Variants in FUT8 observed in about 807,000 individuals in gnomAD.
FUT8 encodes the protein alpha-(1,6)-fucosyltransferase.
A neutral mutation model predicts 71.3 loss-of-function variants in FUT8; 29 were observed. The ratio of observed to expected loss-of-function variants is 0.41; its 90% confidence interval spans 0.30 to 0.55. The LOEUF (loss-of-function observed/expected upper bound fraction) is 0.55, where lower values mean the gene tolerates loss of function less well. Among genes scored for constraint, FUT8 ranks in the 20% least tolerant of loss-of-function variants. The probability of loss-of-function intolerance (pLI) is 0.34; values close to 1 mark genes in which losing one functional copy is unlikely to be tolerated. For missense variants in FUT8, 544 were observed against 702.1 expected (o/e 0.77, Z 2.55); for synonymous variants, 254 against 239.3 (o/e 1.06, Z -0.57).
intron 7 of FUT8, among the ~76,000 whole-genome samples, chr14:65,692,459 A>ACC (rs1566898986): frequency 0.018 from 1,055 of 58,834 alleles, 24 homozygotes; most frequent in Non-Finnish European, 0.02. Context: ...CGGGGGGCTG[A>ACC]CCCCCCCACC....
intron 7 of FUT8, among the ~76,000 whole-genome samples, chr14:65,698,792 T>G (rs1894130125): frequency 6.6e-6 from 1 of 152,208 alleles, no homozygotes; most frequent in East Asian, 1.9e-4. Context: ...ATTTATTCAA[T>G]TACGCATTTA....
At chr14:65,596,230 C>T (rs569558248) in intron 3 of FUT8, among the ~76,000 whole-genome samples, 1 of 152,224 alleles carries the variant, frequency 6.6e-6, no homozygotes, top group South Asian at 2.1e-4. Flanking sequence ...CATGCACATA[C>T]ATATGCAAAA....
At chr14:65,372,416 C>T in the FUT8 span, among the ~76,000 whole-genome samples, 4 of 146,824 alleles carry the variant, frequency 2.7e-5, no homozygotes, top group Non-Finnish European at 6.0e-5. Flanking sequence ...TCCCTTCCTT[C>T]TTTTTTTTTT....
At chr14:65,671,239 G>A (rs1892463717) in intron 7 of FUT8, among the ~76,000 whole-genome samples, 1 of 152,074 alleles carries the variant, frequency 6.6e-6, no homozygotes, top group African/African-American at 2.4e-5. Context: ...AGATTTATCA[G>A]GTTTAATATA....
At chr14:65,590,790 T>C (rs985651227) in intron 3 of FUT8, among the ~76,000 whole-genome samples, 4 of 152,224 alleles carry the variant, frequency 2.6e-5, no homozygotes, top group Admixed American at 2.6e-4. Flanking sequence ...TTCAAGGTGA[T>C]ACATGTCTAA....
At chr14:65,571,443 C>T (rs1003936995) in intron 3 of FUT8, among the ~76,000 whole-genome samples, 1 of 152,116 alleles carries the variant, frequency 6.6e-6, no homozygotes, top group Non-Finnish European at 1.5e-5. Context: ...TCCCTAAACA[C>T]TGTGGACTTG....
chr14:65,702,604 C>A (rs1489178456), intron 7 of FUT8, among the ~76,000 whole-genome samples: 7 of 152,078 alleles, frequency 4.6e-5, no homozygotes, highest in African/African-American at 1.7e-4. Context: ...GCCCTTCATC[C>A]CTGCCAGAAT....
At chr14:65,583,410 A>G (rs1887192989) in intron 3 of FUT8, among the ~76,000 whole-genome samples, 1 of 152,160 alleles carries the variant, frequency 6.6e-6, no homozygotes. Flanking sequence ...ATTCTTGTCA[A>G]TATTATATAG....
chr14:65,592,255 C>T (rs1887732257), intron 3 of FUT8, among the ~76,000 whole-genome samples: 1 of 152,010 alleles, frequency 6.6e-6, no homozygotes, highest in African/African-American at 2.4e-5. Context: ...TTGAGTGCGA[C>T]TTGAAATAAA....
intron 6 of FUT8, among the ~76,000 whole-genome samples, chr14:65,649,764 TGAGA>T (rs1891276726): frequency 6.6e-6 from 1 of 152,178 alleles, no homozygotes; most frequent in Non-Finnish European, 1.5e-5. Context: ...TTCTCAAGAT[TGAGA>T]GATTGTTGAA....
chr14:65,677,742 T>A (rs180954010), intron 7 of FUT8, among the ~76,000 whole-genome samples: 31 of 152,324 alleles, frequency 2.0e-4, no homozygotes, highest in African/African-American at 7.2e-4. Flanking sequence ...AAAATTTGAA[T>A]GTTTCTAGAT....
chr14:65,370,301 G>A, the FUT8 span, among the ~76,000 whole-genome samples: 11,163 of 148,666 alleles, frequency 0.075, 503 homozygotes, highest in Admixed American at 0.12. Context: ...TCCGCCTCCC[G>A]GGTTCACGCC....
chr14:65,600,513 A>G (rs1292139986), intron 3 of FUT8, among the ~76,000 whole-genome samples: 1 of 152,210 alleles, frequency 6.6e-6, no homozygotes, highest in Admixed American at 6.5e-5. Context: ...GGTTATAGAA[A>G]CAACTTACAT....
At chr14:65,388,885 T>A in the FUT8 span, among the ~76,000 whole-genome samples, 1 of 152,158 alleles carries the variant, frequency 6.6e-6, no homozygotes, top group Non-Finnish European at 1.5e-5. Flanking sequence ...TAATATGGAA[T>A]AGTTTCAAAG....
chr14:65,484,104 GA>G (rs1227151651), intron 2 of FUT8, among the ~76,000 whole-genome samples: 1 of 152,118 alleles, frequency 6.6e-6, no homozygotes, highest in Non-Finnish European at 1.5e-5. Flanking sequence ...ATTGTATCCT[GA>G]AAACCTGCTG....
At chr14:65,668,144 A>T (rs1265218449) in intron 6 of FUT8, among the ~76,000 whole-genome samples, 1 of 152,182 alleles carries the variant, frequency 6.6e-6, no homozygotes, top group Admixed American at 6.5e-5. Flanking sequence ...AGGGAATACC[A>T]TTGTGGATAT....
the FUT8 span, among the ~76,000 whole-genome samples, chr14:65,378,836 G>GTTTTTT: frequency 2.7e-5 from 2 of 74,846 alleles, no homozygotes; most frequent in Admixed American, 1.5e-4. Context: ...TTCACAAGAA[G>GTTTTTT]GTTTTTTTTT....
intron 3 of FUT8, among the ~76,000 whole-genome samples, chr14:65,562,213 C>G (rs534610521): frequency 4.6e-5 from 7 of 152,096 alleles, no homozygotes; most frequent in African/African-American, 1.4e-4. Flanking sequence ...TATATACTTA[C>G]ATTTCATTTA....
Position 65,739,815 on chromosome 14 carries a change from C to A in FUT8, c.1411-2278C>A, listed in dbSNP as rs111311179. On this transcript the variant is annotated intron_variant, in intron 10 of 10. Coordinates refer to ENST00000673929, the MANE Select transcript of FUT8 (RefSeq NM_001371533.1). Reference sequence around the variant, plus strand: ...CTGCCTGGGTTCCAACCTGAATTTACCACTTATTAGTATAACCTTGAGCAA... The same window carrying A: ...CTGCCTGGGTTCCAACCTGAATTTAACACTTATTAGTATAACCTTGAGCAA... Among the ~76,000 whole-genome samples, 39 of 152,150 alleles carry A rather than the reference C, an allele frequency of 2.6e-4. 1 individual carries two copies. Among genetic ancestry groups the A allele is most frequent in the African/African-American group, 9.1e-4 (38 of 41,558 alleles).
Sources: gnomAD v4.1 joint callset for allele counts (sites outside exome capture counted in the v4.1 genomes callset) on GRCh38, gnomAD v4.1.1 for gene constraint, MANE v1.5 for transcripts, NCBI Gene and HGNC (gene_info 2026-07-23, HGNC 2026-07-21) for gene names.